Variants in GPATCH8 observed in about 807,000 individuals in gnomAD.
GPATCH8 encodes the protein G patch domain-containing protein 8.
In GPATCH8, 18 loss-of-function variants were observed where a neutral mutation model predicts 118.3. That is an observed-to-expected ratio of 0.15 (90% CI 0.11 to 0.23). The LOEUF is 0.23. Among genes scored for constraint, GPATCH8 ranks in the 10% least tolerant of loss-of-function variants. The pLI, the probability that GPATCH8 is intolerant of heterozygous loss-of-function variation, is 1.00. For synonymous variants in GPATCH8, 659 were observed against 684.7 expected (o/e 0.96, Z 0.59); for missense variants, 1,631 against 1,873.8 (o/e 0.87, Z 2.39).
chr17:44,479,450 A>G (rs866827827), intron 1 of GPATCH8, among the ~76,000 whole-genome samples: 6 of 152,330 alleles, frequency 3.9e-5, no homozygotes, highest in Admixed American at 1.3e-4. Context: ...GAGAAATTTT[A>G]ATGTTTTCAA....
chr17:44,456,869 ATT>A (rs36118162), intron 3 of GPATCH8, among the ~76,000 whole-genome samples: 1 of 147,816 alleles, frequency 6.8e-6, no homozygotes. Flanking sequence ...GTACAGAACA[ATT>A]TTTTTTTTTT....
intron 1 of GPATCH8, among the ~76,000 whole-genome samples, chr17:44,491,684 C>T (rs572007901): frequency 1.3e-5 from 2 of 151,930 alleles, no homozygotes; most frequent in African/African-American, 4.8e-5. Flanking sequence ...TCCATCCCTA[C>T]AAAAAATACA....
At position 44,399,554 on chromosome 17, in the gene GPATCH8, T is replaced by G; in HGVS notation, c.2523A>C (p.Glu841Asp). ...KSPSQYSEEEEEEDSGSEHSR... is the reference protein window; with the variant it reads ...KSPSQYSEEEDEEDSGSEHSR... ...AATGCTCACTGCCTGAATCTTCCTC[T>G]TCTTCTTCCTCACTGTACTGGGATG... Residue 841 changes from glutamate to aspartate, a missense_variant, in exon 8 of 8, where the codon GAA becomes GAC. Around this residue, in one of 8 missense-constraint regions of GPATCH8, gnomAD observed 922 missense variants for 879.7 expected, o/e 1.05. Transcript: ENST00000591680. 1 of 1,612,516 alleles carries G rather than the reference T, an allele frequency of 6.2e-7. No individual in the cohort carries two copies.
chr17:44,446,964 A>G (rs1198761690), intron 3 of GPATCH8, among the ~76,000 whole-genome samples: 1 of 150,590 alleles, frequency 6.6e-6, no homozygotes, highest in African/African-American at 2.5e-5. Context: ...TCTCCTGAGT[A>G]GCTGGGATTA....
At chr17:44,463,060 T>A (rs2051624548) in intron 3 of GPATCH8, among the ~76,000 whole-genome samples, 3 of 152,044 alleles carry the variant, frequency 2.0e-5, no homozygotes, top group African/African-American at 7.2e-5. Flanking sequence ...TCCTGGTTTC[T>A]CTCTTTTTAA....
chr17:44,441,098 T>C (rs1038200974), intron 3 of GPATCH8, among the ~76,000 whole-genome samples: 1 of 152,188 alleles, frequency 6.6e-6, no homozygotes, highest in Non-Finnish European at 1.5e-5. Context: ...ATCTGCCACC[T>C]TGGCCTCCCA....
intron 1 of GPATCH8, among the ~76,000 whole-genome samples, chr17:44,483,150 GTC>G (rs1968418615): frequency 4.1e-4 from 1 of 2,452 alleles, no homozygotes; most frequent in Non-Finnish European, 8.4e-4. Context: ...GTGAGACTCC[GTC>G]TCAAAAAAAA....
rs200764854 is a variant in GPATCH8, at chr17:44,474,884, T to A, written c.65A>T (p.Tyr22Phe). 3.7e-5 allele frequency: 58 copies of A among 1,558,874 alleles called. No homozygotes were observed. Among genetic ancestry groups the A allele is most frequent in the Middle Eastern group, 1.7e-4 (1 of 5,974 alleles). The stretch of plus-strand genomic sequence containing the variant: ...TTCAATTTCCAAGTGTCCTTCCTCA[T>A]ACTGATCAAAGTGATTACCCTGAAA... ...RDFQGNHFDQ[Y>F]EEGHLEIEQA... The change falls in exon 2 of 8, where the codon TAT becomes TTT. Residue 22 changes from tyrosine (Y) to phenylalanine (F), a missense_variant. Transcript: ENST00000591680.
chr17:44,398,363 G>A lies in GPATCH8; in HGVS notation c.3714C>T (p.Thr1238=). The change falls in exon 8 of 8, where the codon ACC becomes ACT. Residue 1238 remains threonine (T), a synonymous_variant. Transcript: ENST00000591680. Reference sequence around the variant, plus strand: ...GGTCGGGGAGGTAGTTATGGGAGATGGTTGGGTCCCCAGGGTAGCAGTCAG... The same window carrying A: ...GGTCGGGGAGGTAGTTATGGGAGATAGTTGGGTCCCCAGGGTAGCAGTCAG... ...AHSDCYPGDP[T]ISHNYLPDPS... 6.2e-7 allele frequency: 1 copy of A among 1,614,106 alleles called. No individual in the cohort carries two copies. The highest frequency in any genetic ancestry group is 8.5e-7 in the Non-Finnish European group (1 of 1,179,978).
intron 3 of GPATCH8, among the ~76,000 whole-genome samples, chr17:44,462,428 T>C (rs2051588732): frequency 6.6e-6 from 1 of 152,208 alleles, no homozygotes; most frequent in Admixed American, 6.5e-5. Context: ...GATTATCTTC[T>C]CTCTTCTGGG....
At chr17:44,499,930 C>A (rs987689221) in intron 1 of GPATCH8, among the ~76,000 whole-genome samples, 7 of 149,348 alleles carry the variant, frequency 4.7e-5, no homozygotes, top group Non-Finnish European at 7.4e-5. Flanking sequence ...AAAGGCTAGA[C>A]AAAAGAATGT....
intron 3 of GPATCH8, among the ~76,000 whole-genome samples, chr17:44,456,869 AT>A (rs36118162): frequency 0.06 from 8,923 of 147,642 alleles, 345 homozygotes; most frequent in Middle Eastern, 0.1. Context: ...GTACAGAACA[AT>A]TTTTTTTTTT....
intron 1 of GPATCH8, 151 bp downstream of exon 1, chr17:44,503,175 A>G: frequency 1.4e-6 from 1 of 705,670 alleles, no homozygotes; most frequent in South Asian, 1.5e-5. Flanking sequence ...TCAAGCCGGG[A>G]GGCCTCTTGA....
At chr17:44,477,250 T>C (rs1967854687) in intron 1 of GPATCH8, among the ~76,000 whole-genome samples, 1 of 152,202 alleles carries the variant, frequency 6.6e-6, no homozygotes, top group African/African-American at 2.4e-5. Context: ...AAGAACTGAG[T>C]CTTGTTTATC....
At chr17:44,500,332 T>G (rs578125145) in intron 1 of GPATCH8, among the ~76,000 whole-genome samples, 1 of 152,262 alleles carries the variant, frequency 6.6e-6, no homozygotes, top group East Asian at 1.9e-4. Flanking sequence ...CCTCGTAGGG[T>G]TATAGTGAAG....
chr17:44,468,262 C>T (rs1966965398), intron 2 of GPATCH8, among the ~76,000 whole-genome samples: 1 of 151,958 alleles, frequency 6.6e-6, no homozygotes, highest in Non-Finnish European at 1.5e-5. Context: ...CATAAGCCAC[C>T]ACGACTGGTC....
intron 3 of GPATCH8, among the ~76,000 whole-genome samples, chr17:44,440,089 C>A (rs543277746): frequency 2.1e-4 from 32 of 152,206 alleles, no homozygotes; most frequent in African/African-American, 7.0e-4. Context: ...GCCTCAACTT[C>A]TTTTAAAAAT....
intron 3 of GPATCH8, among the ~76,000 whole-genome samples, chr17:44,449,459 T>C (rs2144162375): frequency 6.6e-6 from 1 of 150,722 alleles, no homozygotes; most frequent in East Asian, 2.0e-4. Context: ...CACCTCAGCC[T>C]CCCAAAGTGC....
rs141166450 is a variant in GPATCH8 at position 44,438,957 on chromosome 17, G to A, written c.194-2412C>T. Among the ~76,000 whole-genome samples the A allele has an allele frequency of 5.4e-3, 825 of 152,234 alleles. 5 individuals carry two copies. Among genetic ancestry groups the A allele is most frequent in the African/African-American group, 0.019 (791 of 41,534 alleles). ...ACAACACCCTCTTCAATAAGGCAGG[G>A]GGTAGGGTGTCAGTTTAAAGTAAGA... On this transcript the variant is annotated intron_variant, in intron 3 of 7. Coordinates refer to ENST00000591680, the MANE Select transcript of GPATCH8 (RefSeq NM_001002909.4).
Sources: allele counts gnomAD v4.1 joint callset (sites outside exome capture counted in the v4.1 genomes callset), GRCh38; gene constraint gnomAD v4.1.1; regional missense constraint gnomAD v4.1.1; transcripts MANE v1.5; gene names NCBI Gene and HGNC (gene_info 2026-07-23, HGNC 2026-07-21).